The following ZC3H13 variants were observed in gnomAD, a reference collection of about 807,000 sequenced individuals.
ZC3H13 encodes the protein zinc finger CCCH domain-containing protein 13.
In ZC3H13, 64 loss-of-function variants were observed where a neutral mutation model predicts 204.1. The observed-to-expected ratio is 0.31, with a 90% CI of 0.26 to 0.39. ZC3H13 has a LOEUF of 0.39. Among genes scored for constraint, ZC3H13 ranks in the 10% least tolerant of loss-of-function variants. The probability of loss-of-function intolerance (pLI) is 1.00; values close to 1 mark genes in which losing one functional copy is unlikely to be tolerated. For missense variants in ZC3H13, 1,833 were observed against 2,082.7 expected (o/e 0.88, Z 2.33); for synonymous variants, 667 against 693.7 (o/e 0.96, Z 0.60).
Position 45,985,472 on chromosome 13 carries a change from A to T in ZC3H13, c.1545T>A (p.Thr515=), listed in dbSNP as rs140902804. ...CTGGATATGTATCCTCCTTTCGATG[A>T]GTATCTCGACCTTCACGGTCCCTGT... is the stretch of plus-strand genomic sequence containing the variant. ...HDYRDREGRD[T]HRKEDTYPEE... is the part of the protein sequence containing the mutation. The change falls in exon 10 of 19, where the codon ACT becomes ACA. Residue 515 remains threonine (T), a synonymous_variant. Coordinates refer to ENST00000679008, the MANE Select transcript of ZC3H13 (RefSeq NM_001330564.2). 299 of 1,614,140 alleles carry T rather than the reference A, an allele frequency of 1.9e-4. 1 individual carries two copies. The African/African-American group carries it at 3.6e-3, about 19-fold the overall frequency.
At chr13:45,962,305 T>G in intron 17 of ZC3H13, 2 of 985,412 alleles carry the variant, frequency 2.0e-6, no homozygotes, top group South Asian at 9.4e-5. Flanking sequence ...CAGTGCATAT[T>G]TTCACTGTTT....
chr13:46,021,408 C>T (rs1199605729), intron 4 of ZC3H13, among the ~76,000 whole-genome samples: 1 of 151,970 alleles, frequency 6.6e-6, no homozygotes, highest in African/African-American at 2.4e-5. Context: ...TCTTCCACCA[C>T]AGCAGAAGTC....
At chr13:45,985,031 T>C (rs961143530) in intron 10 of ZC3H13, among the ~76,000 whole-genome samples, 3 of 152,194 alleles carry the variant, frequency 2.0e-5, no homozygotes, top group African/African-American at 7.2e-5. Flanking sequence ...TTTTGTCTGA[T>C]AGTGATTTTC....
chr13:46,000,468 G>A (rs1028898462), intron 8 of ZC3H13, among the ~76,000 whole-genome samples: 5 of 152,216 alleles, frequency 3.3e-5, no homozygotes, highest in Non-Finnish European at 7.3e-5. Context: ...ATGTCATGAA[G>A]TAACCTCTGC....
chr13:46,039,133 A>C (rs2043398977), intron 4 of ZC3H13, among the ~76,000 whole-genome samples: 1 of 152,078 alleles, frequency 6.6e-6, no homozygotes, highest in Admixed American at 6.5e-5. Flanking sequence ...GAAATTTGTA[A>C]CTCTATCCCT....
At chr13:46,050,901 CA>C (rs796913034) in intron 1 of ZC3H13, among the ~76,000 whole-genome samples, 13 of 145,518 alleles carry the variant, frequency 8.9e-5, no homozygotes, top group East Asian at 2.0e-4. Context: ...TACAAAAATA[CA>C]AAAAAAAAAG....
intron 1 of ZC3H13, among the ~76,000 whole-genome samples, chr13:46,046,712 A>G (rs985152276): frequency 6.6e-6 from 1 of 152,088 alleles, no homozygotes; most frequent in Non-Finnish European, 1.5e-5. Flanking sequence ...ATGTATGTAA[A>G]TAAAACATTC....
chr13:45,983,421 T>A lies in ZC3H13; in HGVS notation c.1720+1876A>T, dbSNP rs1475035816. 3.3e-3 allele frequency among the ~76,000 whole-genome samples: 73 copies of A among 22,302 alleles called. 1 individual carries two copies. The highest frequency in any genetic ancestry group is 0.02 in the East Asian group (13 of 660). 14.6% of individuals were successfully genotyped at this position (22,302 alleles called of 152,430 possible). A position where few individuals can be genotyped will look rare whatever the true frequency, so the allele number is the denominator to read the frequency against. On this transcript the variant is annotated intron_variant, in intron 10 of 18. Coordinates refer to ENST00000679008, the MANE Select transcript of ZC3H13 (RefSeq NM_001330564.2). ...TCTACTTATATATATATATTTTTTT[T>A]TTTTTTTTTTTTTTTTTTTTTTTGA...
chr13:46,010,022 T>C (rs1039764473), intron 7 of ZC3H13: 1 of 170,000 alleles, frequency 5.9e-6, no homozygotes, highest in African/African-American at 2.4e-5. Context: ...ATACTATACA[T>C]TGCAGAACAC....
intron 17 of ZC3H13, chr13:45,962,238 C>T: frequency 1.0e-6 from 1 of 985,314 alleles, no homozygotes; most frequent in South Asian, 4.7e-5. Flanking sequence ...AATACAACCA[C>T]CATAGCAGCA....
intron 4 of ZC3H13, among the ~76,000 whole-genome samples, chr13:46,041,242 A>G (rs763109913): frequency 2.8e-4 from 42 of 152,168 alleles, no homozygotes; most frequent in Non-Finnish European, 5.6e-4. Flanking sequence ...ATATTATCTG[A>G]CAAAAATAAG....
intron 4 of ZC3H13, among the ~76,000 whole-genome samples, chr13:46,037,148 T>C (rs2043260836): frequency 6.6e-6 from 1 of 152,226 alleles, no homozygotes; most frequent in South Asian, 2.1e-4. Context: ...AGTGTAAATG[T>C]ACTTAATGCC....
intron 8 of ZC3H13, among the ~76,000 whole-genome samples, chr13:45,997,542 C>T (rs1164137299): frequency 6.6e-6 from 1 of 152,118 alleles, no homozygotes; most frequent in African/African-American, 2.4e-5. Flanking sequence ...TTAGAAGCAC[C>T]TGATACAGAA....
chr13:46,030,695 A>G (rs1235683349), intron 4 of ZC3H13, among the ~76,000 whole-genome samples: 1 of 152,188 alleles, frequency 6.6e-6, no homozygotes, highest in Non-Finnish European at 1.5e-5. Flanking sequence ...TTAAAACAAT[A>G]CCATTTTCAT....
intron 8 of ZC3H13, among the ~76,000 whole-genome samples, chr13:45,996,423 C>T (rs1366671315): frequency 2.0e-5 from 3 of 152,186 alleles, no homozygotes; most frequent in South Asian, 2.1e-4. Flanking sequence ...GTTCCCACTA[C>T]AATAGGCCCA....
intron 4 of ZC3H13, among the ~76,000 whole-genome samples, chr13:46,024,220 T>G (rs1186938471): frequency 1.5e-5 from 1 of 65,126 alleles, no homozygotes; most frequent in Admixed American, 1.5e-4. Flanking sequence ...GCTACACTTT[T>G]GATAACTTCA....
At chr13:45,968,662 C>A in intron 14 of ZC3H13, 86 bp downstream of exon 14, 1 of 1,468,590 alleles carries the variant, frequency 6.8e-7, no homozygotes, top group Non-Finnish European at 9.1e-7. Flanking sequence ...GTAAAGTAAC[C>A]AATTTAGCAT....
intron 17 of ZC3H13, chr13:45,962,561 TC>T: frequency 1.0e-6 from 1 of 985,168 alleles, no homozygotes; most frequent in Non-Finnish European, 1.2e-6. Context: ...AAGTCTTGGG[TC>T]ATTTTTCGGT....
Position 46,052,590 on chromosome 13 carries a change from A to G in ZC3H13, c.-196T>C. ...GCGAGGAGCCCCCGGGATGGCTGAG[A>G]AGCAGAACCAACCCGCCCGCCGCCT... On this transcript the variant is annotated 5_prime_UTR_variant, in exon 1 of 19. Coordinates refer to ENST00000679008, the MANE Select transcript of ZC3H13 (RefSeq NM_001330564.2). The G allele has an allele frequency of 2.5e-6, 1 of 398,706 alleles. No homozygotes were observed. The highest frequency in any genetic ancestry group is 4.4e-6 in the Non-Finnish European group (1 of 226,164). The allele number at this position is 398,706 out of a possible 1,614,324, so 24.7% of individuals were successfully genotyped here.
Sources: allele counts gnomAD v4.1 joint callset (sites outside exome capture counted in the v4.1 genomes callset), GRCh38; gene constraint gnomAD v4.1.1; transcripts MANE v1.5; gene names NCBI Gene and HGNC (gene_info 2026-07-23, HGNC 2026-07-21).